Variants in ABLIM2 observed in about 807,000 individuals in gnomAD.
ABLIM2 encodes the protein actin-binding LIM protein 2.
Under a neutral mutation model 97.7 loss-of-function variants are expected in ABLIM2, and 53 were observed. The ratio of observed to expected loss-of-function variants is 0.54; its 90% CI spans 0.44 to 0.68. The LOEUF is 0.68. Among genes scored for constraint, ABLIM2 ranks in the 30% least tolerant of loss-of-function variants. ABLIM2 has a pLI of 0.00. For missense variants in ABLIM2, 835 were observed against 867.2 expected, an observed-to-expected ratio of 0.96 and a Z score of 0.47; for synonymous variants, 361 against 345.8, an observed-to-expected ratio of 1.04 and a Z score of -0.49.
In ABLIM2 at chr4:7,992,669, C is replaced by T. The variant is rs1275152479; in HGVS notation, c.1680+197G>A. Among the ~76,000 whole-genome samples the T allele has an allele frequency of 6.6e-6, 1 of 152,076 alleles. No individual in the cohort carries two copies. The highest frequency in any genetic ancestry group is 1.5e-5 in the Non-Finnish European group (1 of 68,000). On this transcript the variant is annotated intron_variant, in intron 17 of 20. Transcript: ENST00000447017. This position sits in a 1 kb window ranked among gnomAD's most constrained non-coding sequence, Gnocchi z 5.7. The stretch of plus-strand genomic sequence containing the variant: ...GAGGCAGAGTGGGGAGGGTGTTGCC[C>T]AGGTCTGGTTCGGTCCTGCTAGGGA...
chr4:8,068,489 G>A lies in ABLIM2; in HGVS notation c.676-7435C>T, dbSNP rs765280181. On this transcript the variant is annotated intron_variant, in intron 6 of 20. Coordinates refer to ENST00000447017, the MANE Select transcript of ABLIM2 (RefSeq NM_001130083.2). This position sits in a 1 kb window ranked among gnomAD's most constrained non-coding sequence, Gnocchi z 4.5. ...GACAGAGGTGTGGCAAAGCTGTCCC[G>A]CCTCCAGAAACCCCTCCTGTCCCAG... Among the ~76,000 whole-genome samples, 17 of 152,284 alleles carry A rather than the reference G, an allele frequency of 1.1e-4. No homozygotes were observed. The highest frequency in any genetic ancestry group is 2.1e-4 in the South Asian group (1 of 4,822).
rs118037396 is a variant in ABLIM2, at chr4:8,097,527, C to T, written c.155-245G>A. ...CAGAAGCTTGGGAAAGGGCACTGAC[C>T]GGGACAAGAGCCAGGCTCTCTTGAG... On this transcript the variant is annotated intron_variant, in intron 2 of 20. Transcript: ENST00000447017. Among the ~76,000 whole-genome samples the T allele has an allele frequency of 2.6e-4, 39 of 152,308 alleles. No individual in the cohort carries two copies. The East Asian group carries it at 6.6e-3, about 26-fold the overall frequency.
rs1176288713 is a variant in ABLIM2 at position 8,061,343 on chromosome 4, G to C, written c.676-289C>G. ...TGCCGGGGTAGTCCAGGAGGGGTCAGCCTCCTTTACCAGGCGGCATCCAGA... is the reference window on the plus strand; with the variant it reads ...TGCCGGGGTAGTCCAGGAGGGGTCACCCTCCTTTACCAGGCGGCATCCAGA... On this transcript the variant is annotated intron_variant, in intron 6 of 20. Transcript: ENST00000447017. This position sits in a 1 kb window ranked among gnomAD's most constrained non-coding sequence, Gnocchi z 4.5. Among the ~76,000 whole-genome samples, 2 of 152,154 alleles carry C rather than the reference G, an allele frequency of 1.3e-5. No homozygotes were observed. The highest frequency in any genetic ancestry group is 4.8e-5 in the African/African-American group (2 of 41,452).
At chr4:8,000,943 C>G (rs1291414014) in intron 16 of ABLIM2, among the ~76,000 whole-genome samples, 1 of 152,180 alleles carries the variant, frequency 6.6e-6, no homozygotes, top group Non-Finnish European at 1.5e-5. Context: ...GGCCGGGCAC[C>G]TTATGGGCAG....
rs182386251 is a variant in ABLIM2 at position 8,111,909 on chromosome 4, A to C, written c.11-5272T>G. 7.4e-3 allele frequency among the ~76,000 whole-genome samples: 1,085 copies of C among 145,770 alleles called. 11 individuals are homozygous for C. Among genetic ancestry groups the C allele is most frequent in the Middle Eastern group, 0.014 (4 of 288 alleles). On this transcript the variant is annotated intron_variant, in intron 1 of 20. Transcript: ENST00000447017. The stretch of plus-strand genomic sequence containing the variant: ...GCCACAGCACTCCAGCCTGGGTGAC[A>C]GAATAAGACTCTGTCTCAAAAAAAA...
intron 6 of ABLIM2, among the ~76,000 whole-genome samples, chr4:8,065,077 T>C (rs188263923): frequency 6.6e-6 from 1 of 152,004 alleles, no homozygotes; most frequent in African/African-American, 2.4e-5. Flanking sequence ...TAGTGAGACA[T>C]GGTCTCTACA....
intron 16 of ABLIM2, among the ~76,000 whole-genome samples, chr4:8,000,612 C>T (rs1017088669): frequency 7.2e-5 from 11 of 152,068 alleles, no homozygotes; most frequent in African/African-American, 2.4e-4. Flanking sequence ...GACAGTTCTG[C>T]GGCTTTGTAT....
In ABLIM2 at chr4:8,044,375, G is replaced by A. The variant is rs528103263; in HGVS notation, c.900+789C>T. On this transcript the variant is annotated intron_variant, in intron 9 of 20. Coordinates refer to ENST00000447017, the MANE Select transcript of ABLIM2 (RefSeq NM_001130083.2). The surrounding 1 kb of genome is among the most constrained non-coding windows in gnomAD (Gnocchi z 4.4). The stretch of plus-strand genomic sequence containing the variant: ...CCTCACCTGGCGCCTGGGGGTCCTC[G>A]CCTAGATAAGGAATTTTGGTATTTA... Among the ~76,000 whole-genome samples, 2 of 151,968 alleles carry A rather than the reference G, an allele frequency of 1.3e-5. No homozygotes were observed. The highest frequency in any genetic ancestry group is 6.6e-5 in the Admixed American group (1 of 15,256).
rs150887630 is a variant in ABLIM2 at position 8,084,724 on chromosome 4, G to C, written c.454+3445C>G. Among the ~76,000 whole-genome samples, 363 of 152,298 alleles carry C rather than the reference G, an allele frequency of 2.4e-3. 1 individual carries two copies. The highest frequency in any genetic ancestry group is 8.4e-3 in the African/African-American group (348 of 41,566). ...CTCCTCAGCACGGATGGAGCTGCTT[G>C]CCATCCCTTTTCCCCAGGCCAAGCC... On this transcript the variant is annotated intron_variant, in intron 4 of 20. Transcript: ENST00000447017.
At chr4:8,064,692 G>T (rs1805842875) in intron 6 of ABLIM2, among the ~76,000 whole-genome samples, 1 of 152,170 alleles carries the variant, frequency 6.6e-6, no homozygotes, top group South Asian at 2.1e-4. Flanking sequence ...TCGGACACAA[G>T]AGAACAGGCC....
Position 8,127,718 on chromosome 4 carries a change from C to G in ABLIM2, c.11-21081G>C. ...CTCCCACAAGGTCACGTGGCAGCTG[C>G]CACCCTCTGCCCGGGGAGGGGCAGA... is the stretch of plus-strand genomic sequence containing the variant. On this transcript the variant is annotated intron_variant, in intron 1 of 20. Coordinates refer to ENST00000447017, the MANE Select transcript of ABLIM2 (RefSeq NM_001130083.2). This position sits in a 1 kb window ranked among gnomAD's most constrained non-coding sequence, Gnocchi z 7.3. The G allele has an allele frequency of 8.1e-7, 1 of 1,227,276 alleles. No individual in the cohort carries two copies. Among genetic ancestry groups the G allele is most frequent in the African/African-American group, 1.6e-5 (1 of 64,456 alleles). The allele number at this position is 1,227,276 out of a possible 1,614,324, so 76.0% of individuals were successfully genotyped here.
intron 1 of ABLIM2, among the ~76,000 whole-genome samples, chr4:8,126,486 C>T (rs1488150626): frequency 6.6e-6 from 1 of 151,194 alleles, no homozygotes; most frequent in Non-Finnish European, 1.5e-5. Flanking sequence ...TCCTCTCTCC[C>T]TAGCCCCCCA....
chr4:7,992,746 G>C lies in ABLIM2; in HGVS notation c.1680+120C>G. The C allele has an allele frequency of 9.2e-7, 1 of 1,088,832 alleles. No individual in the cohort carries two copies. The highest frequency in any genetic ancestry group is 1.4e-5 in the South Asian group (1 of 72,822). The allele number at this position is 1,088,832 out of a possible 1,614,324, so 67.4% of individuals were successfully genotyped here. A position where few individuals can be genotyped will look rare whatever the true frequency, so the allele number is the denominator to read the frequency against. On this transcript the variant is annotated intron_variant, in intron 17 of 20. Transcript: ENST00000447017. The surrounding 1 kb of genome is among the most constrained non-coding windows in gnomAD (Gnocchi z 5.7). ...CTGGGAAGGGCATCAGGCAGAGGCAGGTGGGCCGCGGGGTCCCCGGGGCCT... is the reference window on the plus strand; with the variant it reads ...CTGGGAAGGGCATCAGGCAGAGGCACGTGGGCCGCGGGGTCCCCGGGGCCT...
intron 3 of ABLIM2, among the ~76,000 whole-genome samples, chr4:8,094,915 T>A (rs13134053): frequency 7.0e-6 from 1 of 142,652 alleles, no homozygotes; most frequent in Non-Finnish European, 1.5e-5. Flanking sequence ...TCCCTCCCTC[T>A]CTTCCCTCCC....
chr4:8,099,323 G>C (rs1415975209), intron 2 of ABLIM2, among the ~76,000 whole-genome samples: 1 of 152,210 alleles, frequency 6.6e-6, no homozygotes, highest in Non-Finnish European at 1.5e-5. Context: ...CAGCACTCAT[G>C]GCTCTGGCAT....
chr4:8,036,192 G>A lies in ABLIM2; in HGVS notation c.1004C>T (p.Pro335Leu). Residue 335 changes from proline to leucine, a missense_variant, in exon 10 of 21, where the codon CCC (proline) becomes CTC (leucine). Pro to Leu is a moderately conservative substitution (Grantham distance 98, BLOSUM62 -3). Transcript: ENST00000447017. ...IDRPDMISYS[P>L]YISHSAGDRQ... ...GTCCCCTGCAGAGTGGCTGATGTAG[G>A]GTGAGTAGGAGATCATGTCGGGGCG... 6.2e-7 allele frequency: 1 copy of A among 1,613,920 alleles called. No homozygotes were observed. The highest frequency in any genetic ancestry group is 8.5e-7 in the Non-Finnish European group (1 of 1,179,828).
rs1753527077 is a variant in ABLIM2 at position 7,996,648 on chromosome 4, C to G, written c.1619-3721G>C. 6.6e-6 allele frequency among the ~76,000 whole-genome samples: 1 copy of G among 152,222 alleles called. No homozygotes were observed. On this transcript the variant is annotated intron_variant, in intron 16 of 20. Transcript: ENST00000447017. The surrounding 1 kb of genome is among the most constrained non-coding windows in gnomAD (Gnocchi z 4.5). ...CTATTATGTTTTGTCCCCGGTTTTACCTATTCCGACGTTCTTCTTTCCTTT... is the reference window on the plus strand; with the variant it reads ...CTATTATGTTTTGTCCCCGGTTTTAGCTATTCCGACGTTCTTCTTTCCTTT...
At chr4:8,101,505 C>T (rs1834602637) in intron 2 of ABLIM2, among the ~76,000 whole-genome samples, 2 of 152,340 alleles carry the variant, frequency 1.3e-5, no homozygotes, top group African/African-American at 4.8e-5. Flanking sequence ...TTCCTTCATT[C>T]CTCCCAGACC....
rs1756802643 is a variant in ABLIM2 at position 8,001,030 on chromosome 4, A to G, written c.1618+7029T>C. 6.6e-6 allele frequency among the ~76,000 whole-genome samples: 1 copy of G among 152,180 alleles called. No individual in the cohort carries two copies. The highest frequency in any genetic ancestry group is 2.1e-4 in the South Asian group (1 of 4,828). On this transcript the variant is annotated intron_variant, in intron 16 of 20. Transcript: ENST00000447017. The surrounding 1 kb of genome is among the most constrained non-coding windows in gnomAD (Gnocchi z 4.2). ...TGAGCCACTCGCTTGGGCAGTTCCC[A>G]TCCGCTCCTGGGTGCACGGGCAGGA...
Sources: allele counts gnomAD v4.1 joint callset (sites outside exome capture counted in the v4.1 genomes callset), GRCh38; gene constraint gnomAD v4.1.1; non-coding constraint Gnocchi (gnomAD v3.1); transcripts MANE v1.5; gene names NCBI Gene and HGNC (gene_info 2026-07-23, HGNC 2026-07-21).